SLC16A7: variants seen among roughly 807,000 people sequenced by gnomAD.
SLC16A7 encodes monocarboxylate transporter 2.
SLC16A7 carries 33 observed loss-of-function variants against 34.9 expected under a neutral mutation model. The observed-to-expected ratio is 0.94, with a 90% confidence interval of 0.72 to 1.26. The LOEUF is 1.26. SLC16A7 is among the 50% of genes most tolerant of loss of function. The pLI is 0.00. For missense variants in SLC16A7, 573 were observed against 578.1 expected (o/e 0.99, Z 0.09); for synonymous variants, 201 against 206.6 (o/e 0.97, Z 0.23).
At chr12:59,702,727 A>G (rs1421579249) in intron 2 of SLC16A7, among the ~76,000 whole-genome samples, 1 of 152,112 alleles carries the variant, frequency 6.6e-6, no homozygotes, top group African/African-American at 2.4e-5. Flanking sequence ...GATGCCTATG[A>G]CCATTTTGAT....
At chr12:59,687,802 A>G (rs1871273358) in intron 2 of SLC16A7, among the ~76,000 whole-genome samples, 1 of 152,118 alleles carries the variant, frequency 6.6e-6, no homozygotes, top group Non-Finnish European at 1.5e-5. Flanking sequence ...CAAAACATGC[A>G]AACACATTTT....
At chr12:59,600,081 T>G (rs967620862) in intron 1 of SLC16A7, among the ~76,000 whole-genome samples, 2 of 152,358 alleles carry the variant, frequency 1.3e-5, no homozygotes, top group Non-Finnish European at 2.9e-5. Flanking sequence ...GGTTTCTTCA[T>G]GTGTAAAAAT....
chr12:59,624,949 C>G (rs527776523), intron 1 of SLC16A7, among the ~76,000 whole-genome samples: 1 of 151,796 alleles, frequency 6.6e-6, no homozygotes, highest in South Asian at 2.1e-4. Context: ...TCAAGTCCAC[C>G]AGTGCATCAA....
chr12:59,771,915 A>T (rs549525027), intron 4 of SLC16A7, among the ~76,000 whole-genome samples: 1 of 152,012 alleles, frequency 6.6e-6, no homozygotes, highest in Non-Finnish European at 1.5e-5. Context: ...TTAAAAGCTC[A>T]GTGAGCCACA....
rs1158378748 is a variant in SLC16A7 at position 59,771,310 on chromosome 12, C to T, written c.309C>T (p.Ala103=). 3 of 1,613,074 alleles carry T rather than the reference C, an allele frequency of 1.9e-6. No individual in the cohort carries two copies. Among genetic ancestry groups the T allele is most frequent in the Non-Finnish European group, 2.5e-6 (3 of 1,179,424 alleles). The part of the protein sequence containing the change: ...GLLCCLGMVL[A]SFSSSVVQLY... The stretch of plus-strand genomic sequence containing the variant: ...TATGCTGTCTTGGAATGGTGTTGGC[C>T]TCCTTTAGTAGCAGCGTGGTACAGC... Residue 103 remains alanine (A), a synonymous_variant, in exon 4 of 6, where the codon GCC becomes GCT. Transcript: ENST00000547379.
chr12:59,740,762 A>T (rs1191900175), intron 3 of SLC16A7, among the ~76,000 whole-genome samples: 1 of 152,170 alleles, frequency 6.6e-6, no homozygotes, highest in Admixed American at 6.5e-5. Context: ...GAAAAGAGGA[A>T]ATCAAATTGT....
chr12:59,699,847 A>G (rs1055142872), intron 2 of SLC16A7, among the ~76,000 whole-genome samples: 1 of 151,826 alleles, frequency 6.6e-6, no homozygotes, highest in African/African-American at 2.4e-5. Flanking sequence ...AGCTGAAGTC[A>G]AACAAGGCAA....
intron 2 of SLC16A7, among the ~76,000 whole-genome samples, chr12:59,669,054 C>G (rs1180299216): frequency 6.6e-6 from 1 of 152,132 alleles, no homozygotes; most frequent in African/African-American, 2.4e-5. Context: ...ATGACCCAGT[C>G]TTGAATGTGT....
chr12:59,705,628 A>AAAT (rs1256926987), intron 3 of SLC16A7, among the ~76,000 whole-genome samples: 1 of 152,212 alleles, frequency 6.6e-6, no homozygotes. Context: ...GATAATGAAG[A>AAAT]AATCAAAGTA....
chr12:59,764,529 G>C (rs940073696), intron 3 of SLC16A7, among the ~76,000 whole-genome samples: 1 of 132,884 alleles, frequency 7.5e-6, no homozygotes. Context: ...TCCCCTTCCT[G>C]TGTCCATGTG....
At chr12:59,651,218 T>C (rs1868337294) in intron 1 of SLC16A7, among the ~76,000 whole-genome samples, 1 of 152,166 alleles carries the variant, frequency 6.6e-6, no homozygotes, top group East Asian at 1.9e-4. Context: ...CTTCCTCAAT[T>C]AGGAAAAGGG....
chr12:59,703,723 A>G (rs536346552), intron 2 of SLC16A7, among the ~76,000 whole-genome samples: 1 of 152,154 alleles, frequency 6.6e-6, no homozygotes, highest in South Asian at 2.1e-4. Context: ...ATAGTTAGTA[A>G]TACTGTATAG....
At chr12:59,678,781 G>A (rs1447258121) in intron 2 of SLC16A7, among the ~76,000 whole-genome samples, 2 of 152,060 alleles carry the variant, frequency 1.3e-5, no homozygotes, top group Non-Finnish European at 2.9e-5. Context: ...TTCTGCCCAG[G>A]AGTCTGTCTT....
chr12:59,700,754 C>T (rs969109925), intron 2 of SLC16A7, among the ~76,000 whole-genome samples: 16 of 151,474 alleles, frequency 1.1e-4, no homozygotes, highest in African/African-American at 3.9e-4. Context: ...CAGAGAGGAA[C>T]ACACAGAGGT....
intron 5 of SLC16A7, among the ~76,000 whole-genome samples, chr12:59,776,187 A>C (rs1471759480): frequency 6.6e-6 from 1 of 152,204 alleles, no homozygotes; most frequent in Non-Finnish European, 1.5e-5. Context: ...GAATACCCTC[A>C]CAAATTGAGA....
chr12:59,660,280 T>G (rs1052482331), intron 2 of SLC16A7, among the ~76,000 whole-genome samples: 1 of 151,710 alleles, frequency 6.6e-6, no homozygotes. Flanking sequence ...GCAAAAGAGG[T>G]CCACGTCTTC....
chr12:59,736,260 A>G (rs1211339217), intron 3 of SLC16A7, among the ~76,000 whole-genome samples: 1 of 152,210 alleles, frequency 6.6e-6, no homozygotes, highest in African/African-American at 2.4e-5. Flanking sequence ...AAAAATTGCT[A>G]GAGAGTGGGT....
chr12:59,606,378 G>T lies in SLC16A7; in HGVS notation c.-130+10142G>T, dbSNP rs116114346. Among the ~76,000 whole-genome samples, 182 of 152,210 alleles carry T rather than the reference G, an allele frequency of 1.2e-3. 1 individual carries two copies. The highest frequency in any genetic ancestry group is 4.0e-3 in the African/African-American group (167 of 41,536). ...GATGTGATAGCGCACATAAACACACGTAAAAACTACCACAAAGAGCAAGAC... is the reference window on the plus strand; with the variant it reads ...GATGTGATAGCGCACATAAACACACTTAAAAACTACCACAAAGAGCAAGAC... On this transcript the variant is annotated intron_variant, in intron 1 of 5. Coordinates refer to ENST00000547379, the MANE Select transcript of SLC16A7 (RefSeq NM_001270623.2).
At position 59,779,575 on chromosome 12, in the gene SLC16A7, A is replaced by T. The variant is rs3763980; in HGVS notation, c.1333A>T (p.Thr445Ser). Residue 445 changes from threonine to serine, a missense_variant, in exon 6 of 6, where the codon ACC (threonine) becomes TCC (serine). Thr to Ser is a moderately conservative substitution (Grantham distance 58). Transcript: ENST00000547379. Reference protein sequence around the residue: ...ERKEENARQKTRESEPLSKSK... With the variant: ...ERKEENARQKSRESEPLSKSK... ...GAAGGAGGAAAATGCAAGGCAGAAGACCAGAGAATCTGAACCCTTGAGCAA... is the reference window on the plus strand; with the variant it reads ...GAAGGAGGAAAATGCAAGGCAGAAGTCCAGAGAATCTGAACCCTTGAGCAA... The T allele has an allele frequency of 0.24, 394,404 of 1,610,890 alleles. 49,172 individuals carry two copies. Among genetic ancestry groups the T allele is most frequent in the East Asian group, 0.32 (14,309 of 44,748 alleles).
Sources: allele counts gnomAD v4.1 joint callset (sites outside exome capture counted in the v4.1 genomes callset), GRCh38; gene constraint gnomAD v4.1.1; transcripts MANE v1.5; gene names NCBI Gene and HGNC (gene_info 2026-07-23, HGNC 2026-07-21).